Variants in RAP1B observed in about 807,000 individuals in gnomAD.
RAP1B encodes the protein RAP1B, member of RAS oncogene family, also known as ras-related protein Rap-1b.
RAP1B carries 1 observed loss-of-function variant against 27.5 expected under a neutral mutation model. The observed-to-expected ratio is 0.04, with a 90% CI of 0.01 to 0.17. The LOEUF is 0.17. Among genes scored for constraint, RAP1B ranks in the 10% least tolerant of loss-of-function variants. The pLI is 1.00. For missense variants in RAP1B, 84 were observed against 214.8 expected, an observed-to-expected ratio of 0.39 and a Z score of 3.81; for synonymous variants, 75 against 73.1, an observed-to-expected ratio of 1.03 and a Z score of -0.13.
chr12:68,615,571 A>C (rs1005431064), intron 1 of RAP1B, among the ~76,000 whole-genome samples: 1 of 151,852 alleles, frequency 6.6e-6, no homozygotes, highest in Non-Finnish European at 1.5e-5. Context: ...CCTGGGCGAC[A>C]GAGTGAGACT....
intron 1 of RAP1B, chr12:68,627,192 T>C: frequency 6.5e-7 from 1 of 1,539,448 alleles, no homozygotes; most frequent in Non-Finnish European, 8.9e-7. Flanking sequence ...GAACCTACAC[T>C]GGGGTAGTGC....
chr12:68,625,559 A>G (rs1253870065), intron 1 of RAP1B, among the ~76,000 whole-genome samples: 1 of 152,202 alleles, frequency 6.6e-6, no homozygotes, highest in Non-Finnish European at 1.5e-5. Context: ...CTTAAGTTTC[A>G]TTTTGAATGT....
intron 2 of RAP1B, 157 bp downstream of exon 2, chr12:68,648,938 A>G (rs1873616770): frequency 3.1e-6 from 2 of 650,752 alleles, no homozygotes; most frequent in South Asian, 2.3e-5. Context: ...ACTTTTAATT[A>G]TATCTGGGTG....
chr12:68,642,671 G>T, intron 1 of RAP1B: 1 of 1,137,258 alleles, frequency 8.8e-7, no homozygotes. Context: ...TACAATCCTG[G>T]CCTTTGAGAG....
At chr12:68,623,353 A>G (rs1302713812) in intron 1 of RAP1B, among the ~76,000 whole-genome samples, 1 of 152,210 alleles carries the variant, frequency 6.6e-6, no homozygotes, top group Non-Finnish European at 1.5e-5. Context: ...TTAGATTAAC[A>G]GTGAATTACA....
chr12:68,653,253 G>GT (rs1873944417), intron 4 of RAP1B, among the ~76,000 whole-genome samples: 2 of 151,950 alleles, frequency 1.3e-5, no homozygotes, highest in Non-Finnish European at 2.9e-5. Flanking sequence ...CTCCTTCAAC[G>GT]TATTTATAGA....
At chr12:68,628,933 A>C (rs775319505) in intron 1 of RAP1B, among the ~76,000 whole-genome samples, 4 of 152,314 alleles carry the variant, frequency 2.6e-5, no homozygotes, top group Non-Finnish European at 5.9e-5. Flanking sequence ...CTAAATCTAC[A>C]GTCTTGTGGT....
chr12:68,661,925 C>T lies in RAP1B; in HGVS notation c.*2676C>T, dbSNP rs1490285788. ...CTACTATATGCCTTTGGTTGGGTGC[C>T]TTGGTTTCCTCATCTGTAAAATGAG... On this transcript the variant is annotated 3_prime_UTR_variant, in exon 8 of 8. Transcript: ENST00000250559. 1 of 150,750 alleles carries T rather than the reference C, an allele frequency of 6.6e-6. No individual in the cohort carries two copies. Among genetic ancestry groups the T allele is most frequent in the Non-Finnish European group, 1.5e-5 (1 of 67,808 alleles). The allele number at this position is 150,750 out of a possible 1,614,324, so 9.3% of individuals were successfully genotyped here. A position where few individuals can be genotyped will look rare whatever the true frequency, so the allele number is the denominator to read the frequency against.
At chr12:68,658,766 G>A (rs1874407557) in intron 7 of RAP1B, among the ~76,000 whole-genome samples, 1 of 152,082 alleles carries the variant, frequency 6.6e-6, no homozygotes, top group Admixed American at 6.5e-5. Flanking sequence ...TGCTCTGAAC[G>A]AGCTTTTTAG....
intron 1 of RAP1B, among the ~76,000 whole-genome samples, chr12:68,632,901 C>T (rs1463270431): frequency 6.6e-6 from 1 of 151,998 alleles, no homozygotes; most frequent in African/African-American, 2.4e-5. Flanking sequence ...AACTCCTGGC[C>T]CCAAGCAGTC....
At chr12:68,626,907 C>T (rs1157154147) in intron 1 of RAP1B, 6 of 1,568,458 alleles carry the variant, frequency 3.8e-6, no homozygotes, top group South Asian at 1.1e-5. Flanking sequence ...CACAGGGCCA[C>T]GATTGGAAAT....
Position 68,618,280 on chromosome 12 carries a change from G to A in RAP1B, c.-27+7237G>A, listed in dbSNP as rs186922785. On this transcript the variant is annotated intron_variant, in intron 1 of 7. Coordinates refer to ENST00000250559, the MANE Select transcript of RAP1B (RefSeq NM_001010942.3). ...TTTTTTTGTATTTTTCTTAGAGACG[G>A]GGCTTCACCATATTGGCCAGGCTGG... Among the ~76,000 whole-genome samples, 16 of 151,672 alleles carry A rather than the reference G, an allele frequency of 1.1e-4. No homozygotes were observed. In the East Asian group the frequency reaches 3.1e-3, roughly 30 times the overall value.
chr12:68,669,895 A>G lies in RAP1B; in HGVS notation c.*10646A>G, dbSNP rs550853977. The G allele has an allele frequency of 4.0e-5, 6 of 151,416 alleles. No individual in the cohort carries two copies. Among genetic ancestry groups the G allele is most frequent in the Admixed American group, 2.6e-4 (4 of 15,208 alleles). 9.4% of individuals were successfully genotyped at this position (151,416 alleles called of 1,614,324 possible). On this transcript the variant is annotated 3_prime_UTR_variant, in exon 8 of 8. Coordinates refer to ENST00000250559, the MANE Select transcript of RAP1B (RefSeq NM_001010942.3). ...TGAGTCCAGAACTAGATTCCAGTATATGACGTTTATACGTGACAAAAATAT... is the reference window on the plus strand; with the variant it reads ...TGAGTCCAGAACTAGATTCCAGTATGTGACGTTTATACGTGACAAAAATAT...
intron 1 of RAP1B, among the ~76,000 whole-genome samples, chr12:68,630,433 A>G (rs1045915876): frequency 2.6e-5 from 4 of 152,160 alleles, no homozygotes; most frequent in Admixed American, 6.5e-5. Context: ...AAAACAAAAA[A>G]ACAGGGAGCA....
Position 68,667,815 on chromosome 12 carries a change from GTC to G in RAP1B, c.*8568_*8569del, listed in dbSNP as rs1289332080. 4.6e-5 allele frequency: 7 copies of G among 152,154 alleles called. No homozygotes were observed. Among genetic ancestry groups the G allele is most frequent in the African/African-American group, 1.7e-4 (7 of 41,424 alleles). The allele number at this position is 152,154 out of a possible 1,614,324, so 9.4% of individuals were successfully genotyped here. A position where few individuals can be genotyped will look rare whatever the true frequency, so the allele number is the denominator to read the frequency against. ...CAGGATTTCAACGGGAGATTTATAA[GTC>G]TATTTTGTTAGAATAAAAAGCAATA... On this transcript the variant is annotated 3_prime_UTR_variant, in exon 8 of 8. Coordinates refer to ENST00000250559, the MANE Select transcript of RAP1B (RefSeq NM_001010942.3).
Position 68,655,710 on chromosome 12 carries a change from G to C in RAP1B, c.325-596G>C, listed in dbSNP as rs1874157539. On this transcript the variant is annotated intron_variant, in intron 5 of 7. Coordinates refer to ENST00000250559, the MANE Select transcript of RAP1B (RefSeq NM_001010942.3). ...GTCACCATACCCAGCTAATTTTTGT[G>C]TTTTTAGTAGAAACAGGGTTTCGCC... Among the ~76,000 whole-genome samples the C allele has an allele frequency of 3.3e-5, 5 of 151,782 alleles. No individual in the cohort carries two copies. The South Asian group carries it at 8.3e-4, about 25-fold the overall frequency.
chr12:68,663,604 C>T lies in RAP1B; in HGVS notation c.*4355C>T, dbSNP rs1041893966. 5.3e-5 allele frequency: 8 copies of T among 152,142 alleles called. No homozygotes were observed. Among genetic ancestry groups the T allele is most frequent in the African/African-American group, 1.9e-4 (8 of 41,444 alleles). 9.4% of individuals were successfully genotyped at this position (152,142 alleles called of 1,614,324 possible). A position where few individuals can be genotyped will look rare whatever the true frequency, so the allele number is the denominator to read the frequency against. The stretch of plus-strand genomic sequence containing the variant: ...GCTAAATAGGTCTGTATTCTAAATG[C>T]TGCCATTTTTTAAAAAAAGTATTCC... On this transcript the variant is annotated 3_prime_UTR_variant, in exon 8 of 8. Coordinates refer to ENST00000250559, the MANE Select transcript of RAP1B (RefSeq NM_001010942.3).
chr12:68,612,893 T>G (rs1454062598), intron 1 of RAP1B, among the ~76,000 whole-genome samples: 2 of 152,226 alleles, frequency 1.3e-5, no homozygotes, highest in Non-Finnish European at 2.9e-5. Context: ...CATTTCCTTG[T>G]TTGACGTTGA....
At chr12:68,657,785 C>T (rs1031299658) in intron 7 of RAP1B, 20 of 155,620 alleles carry the variant, frequency 1.3e-4, no homozygotes, top group Middle Eastern at 3.0e-3. Context: ...TGCGCGCGTG[C>T]GCGTGAGCCA....
Sources: gnomAD v4.1 joint callset for allele counts (sites outside exome capture counted in the v4.1 genomes callset) on GRCh38, gnomAD v4.1.1 for gene constraint, MANE v1.5 for transcripts, NCBI Gene and HGNC (gene_info 2026-07-23, HGNC 2026-07-21) for gene names.